SYT9: variants seen among roughly 807,000 people sequenced by gnomAD.
The protein encoded by SYT9 is synaptotagmin 9.
A neutral mutation model predicts 48.4 loss-of-function variants in SYT9; 22 were observed. The ratio of observed to expected loss-of-function variants is 0.45; its 90% confidence interval spans 0.32 to 0.65. The LOEUF (loss-of-function observed/expected upper bound fraction) is 0.65. SYT9 is among the 30% of genes least tolerant of loss of function. The probability of loss-of-function intolerance (pLI) is 0.03; values close to 1 mark genes in which losing one functional copy is unlikely to be tolerated. For synonymous variants in SYT9, 265 were observed against 245.0 expected (o/e 1.08, Z -0.76); for missense variants, 577 against 622.0 (o/e 0.93, Z 0.77).
intron 3 of SYT9, among the ~76,000 whole-genome samples, chr11:7,375,678 A>G (rs1420094291): frequency 6.6e-6 from 1 of 152,134 alleles, no homozygotes; most frequent in Non-Finnish European, 1.5e-5. Flanking sequence ...CTTTGTAGCA[A>G]TTGTGAATGG....
At chr11:7,462,897 T>C (rs1289689129) in intron 6 of SYT9, among the ~76,000 whole-genome samples, 3 of 152,234 alleles carry the variant, frequency 2.0e-5, no homozygotes, top group Admixed American at 6.5e-5. Context: ...ATTTGGGGTC[T>C]GTTTCAATGG....
chr11:7,395,277 T>TTC (rs1846730446), intron 3 of SYT9, among the ~76,000 whole-genome samples: 1 of 152,190 alleles, frequency 6.6e-6, no homozygotes, highest in Non-Finnish European at 1.5e-5. Context: ...TGTGGTCAAT[T>TTC]TCAGATTATG....
chr11:7,370,430 C>A (rs72856439), intron 3 of SYT9, among the ~76,000 whole-genome samples: 10,170 of 151,976 alleles, frequency 0.067, 385 homozygotes, highest in Middle Eastern at 0.12. Context: ...GTGGTTAGGA[C>A]TAGGGATGGG....
At chr11:7,364,947 G>C (rs1157326094) in intron 3 of SYT9, among the ~76,000 whole-genome samples, 2 of 152,182 alleles carry the variant, frequency 1.3e-5, no homozygotes, top group African/African-American at 4.8e-5. Context: ...CCTTTGTTCA[G>C]ACAGTTAAGA....
intron 3 of SYT9, among the ~76,000 whole-genome samples, chr11:7,348,830 C>T (rs148881902): frequency 1.1e-3 from 174 of 151,554 alleles, no homozygotes; most frequent in African/African-American, 3.9e-3. Context: ...GCATCAGACC[C>T]GTATCCTGTC....
intron 3 of SYT9, among the ~76,000 whole-genome samples, chr11:7,391,001 G>T (rs112629960): frequency 1.3e-5 from 2 of 151,948 alleles, no homozygotes; most frequent in African/African-American, 4.8e-5. Flanking sequence ...TTTGGAGTCC[G>T]TAGTATCTCT....
At chr11:7,270,832 GACACAC>G (rs56891844) in intron 1 of SYT9, among the ~76,000 whole-genome samples, 12,546 of 147,160 alleles carry the variant, frequency 0.085, 559 homozygotes, top group African/African-American at 0.093. Context: ...ACAAGACACA[GACACAC>G]ACACACACAC....
intron 3 of SYT9, among the ~76,000 whole-genome samples, chr11:7,389,207 CTGGG>C (rs1161913926): frequency 2.5e-4 from 38 of 152,232 alleles, no homozygotes; most frequent in African/African-American, 9.1e-4. Context: ...AACAGCATTT[CTGGG>C]TCCTGTGAGT....
At chr11:7,435,493 G>T (rs146918538) in intron 6 of SYT9, 1 of 152,274 alleles carries the variant, frequency 6.6e-6, no homozygotes, top group African/African-American at 2.4e-5. Context: ...CTGTCCTGCT[G>T]AGTATGGACT....
chr11:7,409,965 T>C (rs2134088035), intron 3 of SYT9, among the ~76,000 whole-genome samples: 1 of 152,320 alleles, frequency 6.6e-6, no homozygotes, highest in Non-Finnish European at 1.5e-5. Flanking sequence ...TTTCTACTTT[T>C]TTGATGTAGG....
At chr11:7,409,986 C>T (rs1295929267) in intron 3 of SYT9, among the ~76,000 whole-genome samples, 1 of 151,954 alleles carries the variant, frequency 6.6e-6, no homozygotes, top group Non-Finnish European at 1.5e-5. Flanking sequence ...CATTTATTGC[C>T]TATGTCAAAC....
intron 3 of SYT9, among the ~76,000 whole-genome samples, chr11:7,383,426 AG>A (rs1200555712): frequency 6.6e-6 from 1 of 152,226 alleles, no homozygotes; most frequent in Non-Finnish European, 1.5e-5. Context: ...CAAAGACCCC[AG>A]GAAGCTGGGC....
At chr11:7,272,036 A>T (rs999880160) in intron 1 of SYT9, among the ~76,000 whole-genome samples, 1 of 152,358 alleles carries the variant, frequency 6.6e-6, no homozygotes, top group African/African-American at 2.4e-5. Flanking sequence ...CTTCCTAAAT[A>T]AACAAGAGCA....
chr11:7,352,719 A>G (rs1779419202), intron 3 of SYT9, among the ~76,000 whole-genome samples: 1 of 152,176 alleles, frequency 6.6e-6, no homozygotes, highest in Non-Finnish European at 1.5e-5. Context: ...ACCTATGAAA[A>G]GCTGAAGTAG....
chr11:7,354,401 G>A (rs1849977897), intron 3 of SYT9, among the ~76,000 whole-genome samples: 6 of 152,170 alleles, frequency 3.9e-5, no homozygotes, highest in Admixed American at 3.9e-4. Flanking sequence ...GAATGTGATG[G>A]TCCAAATCCT....
chr11:7,411,108 G>A (rs1416371076), intron 3 of SYT9, among the ~76,000 whole-genome samples: 2 of 152,198 alleles, frequency 1.3e-5, no homozygotes, highest in African/African-American at 2.4e-5. Flanking sequence ...ACCTGCCTCG[G>A]CATCCCAAAA....
In SYT9 at chr11:7,425,861, C is replaced by G. The variant is rs549190800; in HGVS notation, c.1467+5226C>G. ...TGCCCATATGATGAGGTGCTCCCCC[C>G]CAATATAGTCCAGCATCGTGTCTCA... On this transcript the variant is annotated intron_variant, in intron 6 of 6. Coordinates refer to ENST00000318881, the MANE Select transcript of SYT9 (RefSeq NM_175733.4). Among the ~76,000 whole-genome samples the G allele has an allele frequency of 2.0e-4, 31 of 152,168 alleles. No homozygotes were observed. The South Asian group carries it at 5.2e-3, about 25-fold the overall frequency.
At chr11:7,396,277 A>C (rs527718227) in intron 3 of SYT9, among the ~76,000 whole-genome samples, 2 of 152,042 alleles carry the variant, frequency 1.3e-5, no homozygotes, top group South Asian at 4.2e-4. Flanking sequence ...ATCTCGCTGT[A>C]TTTTTGCTTT....
chr11:7,361,269 G>C (rs1850131951), intron 3 of SYT9, among the ~76,000 whole-genome samples: 1 of 151,964 alleles, frequency 6.6e-6, no homozygotes, highest in Non-Finnish European at 1.5e-5. Context: ...GTTCTGAGTA[G>C]CTTCTAATTC....
Sources: gnomAD v4.1 joint callset for allele counts (sites outside exome capture counted in the v4.1 genomes callset) on GRCh38, gnomAD v4.1.1 for gene constraint, MANE v1.5 for transcripts, NCBI Gene and HGNC (gene_info 2026-07-23, HGNC 2026-07-21) for gene names.